CSDE1: variants seen among roughly 807,000 people sequenced by gnomAD.
CSDE1 encodes the protein cold shock domain-containing protein E1.
A neutral mutation model predicts 89.3 loss-of-function variants in CSDE1; 17 were observed. That is an observed-to-expected ratio of 0.19 (90% CI 0.13 to 0.29). The LOEUF is 0.29. Among genes scored for constraint, CSDE1 ranks in the 10% least tolerant of loss-of-function variants. The pLI is 1.00. For missense variants in CSDE1, 672 were observed against 984.2 expected, an observed-to-expected ratio of 0.68 and a Z score of 4.24; for synonymous variants, 322 against 332.8, an observed-to-expected ratio of 0.97 and a Z score of 0.35.
At position 114,718,641 on chromosome 1, in the gene CSDE1, C is replaced by T. The variant is rs1375202283; in HGVS notation, c.2321G>A (p.Arg774His). ...DASAPRLMVL[R>H]QPRGPDNSMG... ...TGAGTTATCTGGTCCCCTTGGCTGA[C>T]GAAGAACCATTAGGCGAGGAGCACT... Residue 774 changes from arginine to histidine, a missense_variant, in exon 19 of 20, where the codon CGT becomes CAT. Transcript: ENST00000358528. 1.9e-6 allele frequency: 3 copies of T among 1,613,972 alleles called. No homozygotes were observed. Among genetic ancestry groups the T allele is most frequent in the African/African-American group, 1.3e-5 (1 of 74,902 alleles).
intron 6 of CSDE1, 91 bp downstream of exon 6, chr1:114,736,667 C>G: frequency 1.4e-6 from 1 of 727,488 alleles, no homozygotes; most frequent in Non-Finnish European, 2.3e-6. Context: ...TCCAGACTTA[C>G]AAGTTAGGTT....
rs1310083978 is a variant in CSDE1 at position 114,718,646 on chromosome 1, A to C, written c.2316T>G (p.Val772=). 3 of 1,614,182 alleles carry C rather than the reference A, an allele frequency of 1.9e-6. No homozygotes were observed. Among genetic ancestry groups the C allele is most frequent in the Non-Finnish European group, 2.5e-6 (3 of 1,180,038 alleles). Residue 772 remains valine, a synonymous_variant, in exon 19 of 20, where the codon GTT becomes GTG. Transcript: ENST00000358528. Reference sequence around the variant, plus strand: ...TATCTGGTCCCCTTGGCTGACGAAGAACCATTAGGCGAGGAGCACTGGCAT... The same window carrying C: ...TATCTGGTCCCCTTGGCTGACGAAGCACCATTAGGCGAGGAGCACTGGCAT... The part of the protein sequence containing the change: ...LDDASAPRLM[V]LRQPRGPDNS...
Position 114,717,940 on chromosome 1 carries a change from G to A in CSDE1, c.*229C>T, listed in dbSNP as rs1659278491. Reference sequence around the variant, plus strand: ...GCTCCTAAAATTGATACTATAAGGCGCCACCTTAAGTTTTTCCAGGCTGCA... The same window carrying A: ...GCTCCTAAAATTGATACTATAAGGCACCACCTTAAGTTTTTCCAGGCTGCA... On this transcript the variant is annotated 3_prime_UTR_variant, in exon 20 of 20. Transcript: ENST00000358528. The A allele has an allele frequency of 4.0e-6, 2 of 498,726 alleles. No individual in the cohort carries two copies. Among genetic ancestry groups the A allele is most frequent in the Non-Finnish European group, 7.1e-6 (2 of 283,440 alleles). 30.9% of individuals were successfully genotyped at this position (498,726 alleles called of 1,614,324 possible).
At chr1:114,749,006 A>G (rs1661158436) in intron 2 of CSDE1, among the ~76,000 whole-genome samples, 2 of 152,130 alleles carry the variant, frequency 1.3e-5, no homozygotes, top group African/African-American at 2.4e-5. Flanking sequence ...CCGCAAAATT[A>G]TATTCTCTAC....
At chr1:114,737,628 A>C in intron 4 of CSDE1, 65 bp from the exon 5 acceptor site, 1 of 1,257,782 alleles carries the variant, frequency 8.0e-7, no homozygotes, top group Non-Finnish European at 1.2e-6. Flanking sequence ...GTGCAATATA[A>C]ACTGAATTTT....
At position 114,718,070 on chromosome 1, in the gene CSDE1, C is replaced by A; in HGVS notation, c.*99G>T. The stretch of plus-strand genomic sequence containing the variant: ...TAATAGCTCAATAGAATAAGTATTC[C>A]AGATTTCGGGAGGGATGAAGAGGGA... On this transcript the variant is annotated 3_prime_UTR_variant, in exon 20 of 20. Transcript: ENST00000358528. 8.2e-7 allele frequency: 1 copy of A among 1,212,734 alleles called. No individual in the cohort carries two copies. 75.1% of individuals were successfully genotyped at this position (1,212,734 alleles called of 1,614,324 possible).
chr1:114,723,137 G>A (rs60931461), intron 16 of CSDE1, among the ~76,000 whole-genome samples: 4,128 of 152,180 alleles, frequency 0.027, 201 homozygotes, highest in African/African-American at 0.094. Context: ...GATTACAGGC[G>A]TGAACCACCA....
At chr1:114,719,314 C>A (rs932600503) in intron 18 of CSDE1, among the ~76,000 whole-genome samples, 2 of 151,954 alleles carry the variant, frequency 1.3e-5, no homozygotes, top group Non-Finnish European at 2.9e-5. Flanking sequence ...GGAAGCAAAG[C>A]GGCATTATGA....
chr1:114,744,179 T>TTAAG (rs1383242441), intron 2 of CSDE1, among the ~76,000 whole-genome samples: 2 of 152,192 alleles, frequency 1.3e-5, no homozygotes, highest in Non-Finnish European at 2.9e-5. Context: ...TAGGTAAATG[T>TTAAG]TACTTGACTT....
At chr1:114,745,688 A>G (rs943632975) in intron 2 of CSDE1, among the ~76,000 whole-genome samples, 2 of 152,178 alleles carry the variant, frequency 1.3e-5, no homozygotes, top group African/African-American at 4.8e-5. Context: ...CAGCCTCATA[A>G]AGTTTAGACC....
In CSDE1 at chr1:114,720,735, A is replaced by ATAC. The variant is rs1659469376; in HGVS notation, c.1874-19_1874-18insGTA. 2.5e-6 allele frequency: 4 copies of ATAC among 1,612,358 alleles called. No homozygotes were observed. The East Asian group carries it at 8.9e-5, about 36-fold the overall frequency. ...CATATCGCCTGTAAAACAGGTACAA[A>ATAC]GTCTAAAAGCTAGTATTTCACAACA... On this transcript the variant is annotated intron_variant, in intron 16 of 19. Coordinates refer to ENST00000358528, the MANE Select transcript of CSDE1 (RefSeq NM_001007553.3).
At chr1:114,724,792 T>C (rs1659707143) in intron 15 of CSDE1, among the ~76,000 whole-genome samples, 1 of 152,116 alleles carries the variant, frequency 6.6e-6, no homozygotes, top group South Asian at 2.1e-4. Context: ...AGGATCATCA[T>C]GGCTCACTGC....
chr1:114,731,198 T>C (rs1660080199), intron 10 of CSDE1, among the ~76,000 whole-genome samples: 1 of 152,012 alleles, frequency 6.6e-6, no homozygotes, highest in South Asian at 2.1e-4. Context: ...TCATGTTTAA[T>C]GAAACAATGA....
chr1:114,739,311 G>C (rs924460164), intron 3 of CSDE1, among the ~76,000 whole-genome samples: 1 of 152,182 alleles, frequency 6.6e-6, no homozygotes, highest in Admixed American at 6.5e-5. Context: ...GATTACAGGC[G>C]TAAGCCACCG....
At chr1:114,736,685 CTA>C in intron 6 of CSDE1, 71 bp downstream of exon 6, 1 of 868,626 alleles carries the variant, frequency 1.2e-6, no homozygotes, top group Non-Finnish European at 1.8e-6. Context: ...GTTTTTAACT[CTA>C]TTCAAATTTC....
At chr1:114,731,802 A>G (rs1300500310) in intron 10 of CSDE1, among the ~76,000 whole-genome samples, 2 of 152,172 alleles carry the variant, frequency 1.3e-5, no homozygotes, top group Non-Finnish European at 1.5e-5. Context: ...ACCTTCTTAA[A>G]ACATGATGAG....
rs1418710390 is a variant in CSDE1 at position 114,734,035 on chromosome 1, G to A, written c.665C>T (p.Thr222Ile). 1.9e-6 allele frequency: 3 copies of A among 1,613,358 alleles called. No homozygotes were observed. Among genetic ancestry groups the A allele is most frequent in the South Asian group, 1.1e-5 (1 of 91,038 alleles). The change falls in exon 8 of 20, where the codon ACC (threonine) becomes ATC (isoleucine). Residue 222 changes from threonine to isoleucine, a missense_variant. By Grantham distance (89) the Thr-to-Ile change is moderately conservative (BLOSUM62 -1). This residue lies in a region of CSDE1 where 169 missense variants were observed against 262.9 expected (regional missense o/e 0.64). Transcript: ENST00000358528. ...TTCCACATCATCGCCAGGCTGTAAG[G>A]TTTCTAAGTCACCCTTAAATTCACT... ...HYSEFKGDLETLQPGDDVEFT... is the reference protein window; with the variant it reads ...HYSEFKGDLEILQPGDDVEFT...
At chr1:114,739,342 AC>A (rs1408008593) in intron 3 of CSDE1, among the ~76,000 whole-genome samples, 1 of 152,214 alleles carries the variant, frequency 6.6e-6, no homozygotes, top group Non-Finnish European at 1.5e-5. Flanking sequence ...CTAAGAGGTG[AC>A]ACTCTAAGGA....
intron 2 of CSDE1, among the ~76,000 whole-genome samples, 153 bp downstream of exon 2, chr1:114,749,668 A>G (rs1661206035): frequency 6.6e-6 from 1 of 152,242 alleles, no homozygotes; most frequent in African/African-American, 2.4e-5. Context: ...TTATCTAACA[A>G]GAGATAGTGT....
Sources: gnomAD v4.1 joint callset for allele counts (sites outside exome capture counted in the v4.1 genomes callset) on GRCh38, gnomAD v4.1.1 for gene constraint, gnomAD v4.1.1 regional missense constraint, MANE v1.5 for transcripts, NCBI Gene and HGNC (gene_info 2026-07-23, HGNC 2026-07-21) for gene names.